The following UMAD1 variants were observed in gnomAD, a reference collection of about 807,000 sequenced individuals.
The protein encoded by UMAD1 is UBAP1-MVB12-associated (UMA) domain containing 1.
In UMAD1, 8 loss-of-function variants were observed where a neutral mutation model predicts 6.1. That is an observed-to-expected ratio of 1.30 (90% confidence interval 0.76 to 2.35). The LOEUF (loss-of-function observed/expected upper bound fraction) is 2.35, where lower values mean the gene tolerates loss of function less well. Among genes scored for constraint, UMAD1 ranks in the 30% most tolerant of loss-of-function variants. The probability of loss-of-function intolerance (pLI) is 0.00; values close to 1 mark genes in which losing one functional copy is unlikely to be tolerated. For missense variants in UMAD1, 130 were observed against 78.4 expected (o/e 1.66, Z -2.49); for synonymous variants, 56 against 31.4 (o/e 1.78, Z -2.61).
intron 1 of UMAD1, among the ~76,000 whole-genome samples, chr7:7,657,152 T>C (rs1278569686): frequency 6.6e-6 from 1 of 152,224 alleles, no homozygotes; most frequent in African/African-American, 2.4e-5. Context: ...TGCCCACTTT[T>C]TGATGGGGTT....
chr7:7,847,097 AAAAAAAAATATAT>A (rs1205422554), intron 3 of UMAD1, among the ~76,000 whole-genome samples: 34 of 48,856 alleles, frequency 7.0e-4, no homozygotes, highest in African/African-American at 9.1e-4. Flanking sequence ...CAAAAAAAAA[AAAAAAAAATATAT>A]ATATATATAT....
intron 1 of UMAD1, among the ~76,000 whole-genome samples, chr7:7,650,078 T>C (rs115237115): frequency 4.8e-4 from 73 of 152,356 alleles, no homozygotes; most frequent in African/African-American, 1.6e-3. Context: ...AGCATGCATA[T>C]TAATCTTGAA....
intron 2 of UMAD1, among the ~76,000 whole-genome samples, chr7:7,734,741 A>G (rs1781317867): frequency 6.6e-6 from 1 of 152,148 alleles, no homozygotes; most frequent in Non-Finnish European, 1.5e-5. Context: ...ATAGTTACCT[A>G]TCATTTCCAT....
At chr7:7,648,888 G>A (rs928662688) in intron 1 of UMAD1, among the ~76,000 whole-genome samples, 1 of 150,806 alleles carries the variant, frequency 6.6e-6, no homozygotes, top group African/African-American at 2.4e-5. Flanking sequence ...GCCGGGCGCG[G>A]TCGCTCACAC....
intron 3 of UMAD1, among the ~76,000 whole-genome samples, chr7:7,850,435 T>G (rs1783887176): frequency 6.6e-6 from 1 of 152,138 alleles, no homozygotes; most frequent in Non-Finnish European, 1.5e-5. Context: ...CTCCTTGAAC[T>G]CAGATTTCCA....
chr7:7,647,839 A>G (rs1785132237), intron 1 of UMAD1, among the ~76,000 whole-genome samples: 1 of 152,202 alleles, frequency 6.6e-6, no homozygotes, highest in African/African-American at 2.4e-5. Context: ...TGCTAGGCTC[A>G]AGCAAGCCTC....
intron 2 of UMAD1, among the ~76,000 whole-genome samples, chr7:7,731,235 C>T (rs1379890454): frequency 2.0e-5 from 3 of 152,044 alleles, no homozygotes; most frequent in African/African-American, 4.8e-5. Flanking sequence ...CTCTTGACCT[C>T]GTGATCCACC....
At chr7:7,847,475 T>C (rs1247942349) in intron 3 of UMAD1, among the ~76,000 whole-genome samples, 1 of 151,958 alleles carries the variant, frequency 6.6e-6, no homozygotes, top group Non-Finnish European at 1.5e-5. Flanking sequence ...TTGTCTCCTT[T>C]CCTCCAGATT....
At chr7:7,680,070 C>T (rs1265079900) in intron 2 of UMAD1, among the ~76,000 whole-genome samples, 2 of 151,818 alleles carry the variant, frequency 1.3e-5, no homozygotes, top group Non-Finnish European at 2.9e-5. Context: ...TCCATTTTTG[C>T]TTTGGTTGCC....
At chr7:7,846,807 A>G (rs1483905241) in intron 3 of UMAD1, among the ~76,000 whole-genome samples, 2 of 149,844 alleles carry the variant, frequency 1.3e-5, no homozygotes, top group East Asian at 2.0e-4. Flanking sequence ...TATTTTAAAA[A>G]TATATTTGAT....
intron 2 of UMAD1, among the ~76,000 whole-genome samples, chr7:7,720,546 A>G (rs1314254631): frequency 2.6e-5 from 4 of 152,204 alleles, no homozygotes; most frequent in African/African-American, 4.8e-5. Context: ...CTGACTAGTA[A>G]GCTTCCTAAT....
intron 1 of UMAD1, among the ~76,000 whole-genome samples, chr7:7,643,712 A>C (rs1017921964): frequency 2.0e-5 from 1 of 50,814 alleles, no homozygotes; most frequent in African/African-American, 9.2e-5. Context: ...ACTCCCTCTC[A>C]AAAAAAAAAA....
chr7:7,812,472 T>C (rs1783038848), intron 3 of UMAD1, among the ~76,000 whole-genome samples: 1 of 152,220 alleles, frequency 6.6e-6, no homozygotes, highest in Admixed American at 6.5e-5. Flanking sequence ...AACACATCTG[T>C]TGATTGATCA....
chr7:7,708,952 GGAGA>G (rs1027213456), intron 2 of UMAD1, among the ~76,000 whole-genome samples: 2 of 151,074 alleles, frequency 1.3e-5, no homozygotes, highest in East Asian at 1.9e-4. Flanking sequence ...AGAGAGAGAG[GGAGA>G]GAGAGAGAAA....
chr7:7,813,603 A>T (rs1002437160), intron 3 of UMAD1, among the ~76,000 whole-genome samples: 15 of 4,418 alleles, frequency 3.4e-3, no homozygotes, highest in African/African-American at 0.019. Context: ...CATTTACATT[A>T]AAAAAAAGCA....
At chr7:7,690,614 A>C (rs193251090) in intron 2 of UMAD1, among the ~76,000 whole-genome samples, 23 of 152,310 alleles carry the variant, frequency 1.5e-4, no homozygotes, top group African/African-American at 5.5e-4. Context: ...GGATAATTCT[A>C]AACAGCCACA....
chr7:7,758,069 C>CATT (rs1781813292), intron 2 of UMAD1, among the ~76,000 whole-genome samples: 1 of 151,654 alleles, frequency 6.6e-6, no homozygotes, highest in Admixed American at 6.6e-5. Flanking sequence ...ATTATTTTTA[C>CATT]ATTATTATTA....
chr7:7,784,836 G>A (rs6945366), intron 2 of UMAD1, among the ~76,000 whole-genome samples: 122,587 of 142,670 alleles, frequency 0.86, 52,870 homozygotes, highest in African/African-American at 0.96. Context: ...ATCTCGGCTC[G>A]CTGCAGGCTC....
intron 2 of UMAD1, among the ~76,000 whole-genome samples, chr7:7,722,157 C>CTATATA (rs1001676838): frequency 8.1e-6 from 1 of 122,742 alleles, no homozygotes; most frequent in African/African-American, 3.0e-5. Context: ...CTCTCTCTCT[C>CTATATA]TATATATATA....
Sources: gnomAD v4.1 joint callset for allele counts (sites outside exome capture counted in the v4.1 genomes callset) on GRCh38, gnomAD v4.1.1 for gene constraint, MANE v1.5 for transcripts, NCBI Gene and HGNC (gene_info 2026-07-23, HGNC 2026-07-21) for gene names.